PCDHGA1: variants seen among roughly 807,000 people sequenced by gnomAD.
The protein encoded by PCDHGA1 is protocadherin gamma-A1.
In PCDHGA1, 32 loss-of-function variants were observed where a neutral mutation model predicts 58.0. The ratio of observed to expected loss-of-function variants is 0.55; its 90% CI spans 0.42 to 0.74. The LOEUF is 0.74. Ranked by LOEUF, PCDHGA1 falls within the 30% of genes least tolerant of loss-of-function variation. The probability of loss-of-function intolerance (pLI) is 0.00; values close to 1 mark genes in which losing one functional copy is unlikely to be tolerated. For synonymous variants in PCDHGA1, 498 were observed against 501.1 expected (o/e 0.99, Z 0.08); for missense variants, 1,205 against 1,182.3 (o/e 1.02, Z -0.28).
At chr5:141,466,655 AT>A (rs754296083) in intron 1 of PCDHGA1, among the ~76,000 whole-genome samples, 3 of 152,206 alleles carry the variant, frequency 2.0e-5, no homozygotes, top group Non-Finnish European at 4.4e-5. Context: ...TTCACAAAAC[AT>A]CAGTGATTTC....
At chr5:141,339,386 G>A (rs1240080010) in intron 1 of PCDHGA1, 1 of 1,614,218 alleles carries the variant, frequency 6.2e-7, no homozygotes, top group Non-Finnish European at 8.5e-7. Flanking sequence ...AGAGGAACTG[G>A]AGCTAAAAAT....
intron 1 of PCDHGA1, chr5:141,421,710 A>G (rs781498853): frequency 1.2e-6 from 2 of 1,613,940 alleles, no homozygotes; most frequent in South Asian, 2.2e-5. Flanking sequence ...CTAGGGATCC[A>G]GATGTGGGCG....
intron 1 of PCDHGA1, chr5:141,339,170 G>C: frequency 2.5e-6 from 4 of 1,614,088 alleles, no homozygotes; most frequent in Non-Finnish European, 2.5e-6. Context: ...AGTCCGCATC[G>C]TCTCCAGAGG....
chr5:141,356,450 A>C, intron 1 of PCDHGA1: 1 of 1,613,120 alleles, frequency 6.2e-7, no homozygotes, highest in Non-Finnish European at 8.5e-7. Context: ...GAAGTCTCAG[A>C]ATATAACATC....
chr5:141,412,233 A>G (rs866840267), intron 1 of PCDHGA1: 4 of 152,256 alleles, frequency 2.6e-5, no homozygotes, highest in Admixed American at 6.5e-5. Context: ...TTAAAAACCT[A>G]TATCACTACA....
At chr5:141,440,841 A>G (rs1361003883) in intron 1 of PCDHGA1, 5 of 152,114 alleles carry the variant, frequency 3.3e-5, no homozygotes, top group Admixed American at 1.3e-4. Flanking sequence ...GTTGAAGCCA[A>G]TGACAACCCT....
intron 1 of PCDHGA1, chr5:141,398,495 T>G: frequency 1.2e-6 from 2 of 1,610,214 alleles, no homozygotes; most frequent in Non-Finnish European, 1.7e-6. Context: ...AATGTGGAGA[T>G]CGAGGACATT....
intron 1 of PCDHGA1, among the ~76,000 whole-genome samples, chr5:141,454,170 G>A (rs2098782662): frequency 6.6e-6 from 1 of 152,162 alleles, no homozygotes; most frequent in Admixed American, 6.5e-5. Context: ...TCTCTAGAAG[G>A]GCAGCTAAAG....
At chr5:141,404,476 C>G (rs1453332441) in intron 1 of PCDHGA1, 3 of 1,613,362 alleles carry the variant, frequency 1.9e-6, no homozygotes, top group Non-Finnish European at 2.5e-6. Context: ...TCTCTATTAA[C>G]TCAGACACTG....
rs866752085 is a variant in PCDHGA1, at chr5:141,424,634, A to G, written c.2422-70173A>G. ...AATAGAGTAGTTTGTGAATATATAA[A>G]TAGATTGAAGGTATTTGGACTTTAA... On this transcript the variant is annotated intron_variant, in intron 1 of 3. Coordinates refer to ENST00000517417, the MANE Select transcript of PCDHGA1 (RefSeq NM_018912.3). 6 of 152,338 alleles carry G rather than the reference A, an allele frequency of 3.9e-5. No individual in the cohort carries two copies. The South Asian group carries it at 1.2e-3, about 32-fold the overall frequency. 9.4% of individuals were successfully genotyped at this position (152,338 alleles called of 1,614,324 possible).
intron 1 of PCDHGA1, chr5:141,398,687 A>T (rs940121215): frequency 1.9e-6 from 3 of 1,613,940 alleles, no homozygotes; most frequent in Non-Finnish European, 2.5e-6. Context: ...GAGAAACAGG[A>T]TGGTAGTAAA....
chr5:141,386,612 T>C (rs2090642858), intron 1 of PCDHGA1, among the ~76,000 whole-genome samples: 1 of 152,012 alleles, frequency 6.6e-6, no homozygotes, highest in South Asian at 2.1e-4. Context: ...TTTTTTGACA[T>C]GGAGTCTCGC....
intron 1 of PCDHGA1, chr5:141,398,400 C>T: frequency 6.8e-7 from 1 of 1,465,224 alleles, no homozygotes; most frequent in Non-Finnish European, 9.5e-7. Context: ...GCAGGCTAGA[C>T]AGGGAGGAGA....
intron 1 of PCDHGA1, chr5:141,400,718 A>G (rs2094066078): frequency 3.0e-6 from 2 of 671,700 alleles, no homozygotes; most frequent in Non-Finnish European, 5.0e-6. Flanking sequence ...AGCCTTATAG[A>G]TTTACAAAGT....
intron 1 of PCDHGA1, chr5:141,346,166 G>T (rs746867138): frequency 6.2e-7 from 1 of 1,614,042 alleles, no homozygotes; most frequent in East Asian, 2.2e-5. Context: ...TCATCGTGCT[G>T]CTGGCGCTCA....
chr5:141,432,717 C>T lies in PCDHGA1; in HGVS notation c.2422-62090C>T. On this transcript the variant is annotated intron_variant, in intron 1 of 3. Transcript: ENST00000517417. The surrounding 1 kb of genome is among the most constrained non-coding windows in gnomAD (Gnocchi z 6.0). ...GCCGTCCAGGACCACGGCCAGCCCC[C>T]TCTCTCCGCCACTGTCACGCTCACC... 1 of 1,614,030 alleles carries T rather than the reference C, an allele frequency of 6.2e-7. No individual in the cohort carries two copies. Among genetic ancestry groups the T allele is most frequent in the Non-Finnish European group, 8.5e-7 (1 of 1,179,978 alleles).
intron 1 of PCDHGA1, chr5:141,388,688 C>T: frequency 6.2e-7 from 1 of 1,613,970 alleles, no homozygotes; most frequent in Non-Finnish European, 8.5e-7. Context: ...CTGCCACGGA[C>T]CAGGATGAGG....
At position 141,487,681 on chromosome 5, in the gene PCDHGA1, T is replaced by C. The variant is rs754032560; in HGVS notation, c.2422-7126T>C. The stretch of plus-strand genomic sequence containing the variant: ...CTGATCCAGGCATATGGCTAGGCCA[T>C]GTCCTAGAGAGTACTGGCCTCTCAG... On this transcript the variant is annotated intron_variant, in intron 1 of 3. Coordinates refer to ENST00000517417, the MANE Select transcript of PCDHGA1 (RefSeq NM_018912.3). The surrounding 1 kb of genome is among the most constrained non-coding windows in gnomAD (Gnocchi z 5.0). 1.1e-5 allele frequency: 18 copies of C among 1,608,852 alleles called. No individual in the cohort carries two copies. The highest frequency in any genetic ancestry group is 4.5e-5 in the East Asian group (2 of 44,816).
chr5:141,332,853 T>C lies in PCDHGA1; in HGVS notation c.2169T>C (p.Arg723=), dbSNP rs140436541. The part of the protein sequence containing the change: ...AHRLRRWHKS[R]LLQASGGGLA... ...GGCTGCGGCGCTGGCACAAGTCACGTCTGCTACAGGCTTCGGGAGGCGGCT... is the reference window on the plus strand; with the variant it reads ...GGCTGCGGCGCTGGCACAAGTCACGCCTGCTACAGGCTTCGGGAGGCGGCT... The change falls in exon 1 of 4, where the codon CGT becomes CGC. Residue 723 remains arginine (R), a synonymous_variant. Coordinates refer to ENST00000517417, the MANE Select transcript of PCDHGA1 (RefSeq NM_018912.3). The surrounding 1 kb of genome is among the most constrained non-coding windows in gnomAD (Gnocchi z 4.6). 21 of 1,614,106 alleles carry C rather than the reference T, an allele frequency of 1.3e-5. 1 individual carries two copies. In the East Asian group the frequency reaches 1.3e-4, roughly 10 times the overall value.
Sources: allele counts gnomAD v4.1 joint callset (sites outside exome capture counted in the v4.1 genomes callset), GRCh38; gene constraint gnomAD v4.1.1; non-coding constraint Gnocchi (gnomAD v3.1); transcripts MANE v1.5; gene names NCBI Gene and HGNC (gene_info 2026-07-23, HGNC 2026-07-21).